WWC2: variants seen among roughly 807,000 people sequenced by gnomAD.
WWC2 encodes WW and C2 domain containing 2.
A neutral mutation model predicts 138.5 loss-of-function variants in WWC2; 101 were observed. That is an observed-to-expected ratio of 0.73 (90% CI 0.62 to 0.86). WWC2 has a LOEUF of 0.86. WWC2 is among the 40% of genes least tolerant of loss of function. The probability of loss-of-function intolerance (pLI) is 0.00; values close to 1 mark genes in which losing one functional copy is unlikely to be tolerated. For synonymous variants in WWC2, 558 were observed against 538.4 expected (o/e 1.04, Z -0.50); for missense variants, 1,420 against 1,419.4 (o/e 1.00, Z -0.01).
chr4:183,289,888 G>A (rs1040278537), intron 21 of WWC2, among the ~76,000 whole-genome samples: 8 of 151,522 alleles, frequency 5.3e-5, no homozygotes, highest in Non-Finnish European at 1.0e-4. Flanking sequence ...GGGTGAGGGC[G>A]TGGCCAGTGG....
At chr4:183,214,003 A>T (rs997219136) in intron 4 of WWC2, among the ~76,000 whole-genome samples, 1 of 152,080 alleles carries the variant, frequency 6.6e-6, no homozygotes, top group Admixed American at 6.5e-5. Context: ...GTTTTTGGCT[A>T]ATTTTTATTA....
At chr4:183,289,743 A>T in intron 21 of WWC2, 108 bp downstream of exon 21, 1 of 1,425,400 alleles carries the variant, frequency 7.0e-7, no homozygotes, top group Non-Finnish European at 9.4e-7. Context: ...AAGTCTTTAG[A>T]TGTTTTACTA....
rs1734215558 is a variant in WWC2, at chr4:183,169,416, G to A, written c.132-24183G>A. ...ATGAATTCTAAAAGAGCTGTAACAC[G>A]GACTCAAAGCTTTTAAAATAATTTT... On this transcript the variant is annotated intron_variant, in intron 1 of 22. Transcript: ENST00000403733. Among the ~76,000 whole-genome samples, 3 of 140,380 alleles carry A rather than the reference G, an allele frequency of 2.1e-5. No homozygotes were observed. The South Asian group carries it at 7.3e-4, about 34-fold the overall frequency. The allele number at this position is 140,380 out of a possible 152,430, so 92.1% of individuals were successfully genotyped here.
chr4:183,260,085 A>T (rs1737276351), intron 10 of WWC2, among the ~76,000 whole-genome samples: 1 of 152,236 alleles, frequency 6.6e-6, no homozygotes, highest in Admixed American at 6.5e-5. Flanking sequence ...CACTCCTCAC[A>T]TTCACACACA....
intron 1 of WWC2, among the ~76,000 whole-genome samples, chr4:183,103,399 T>C (rs914345928): frequency 4.6e-5 from 7 of 150,954 alleles, no homozygotes; most frequent in African/African-American, 1.2e-4. Context: ...AATGACGTGA[T>C]CTCGGCTTAC....
At chr4:183,138,283 A>T (rs895868224) in intron 1 of WWC2, among the ~76,000 whole-genome samples, 4 of 152,080 alleles carry the variant, frequency 2.6e-5, no homozygotes, top group Non-Finnish European at 5.9e-5. Flanking sequence ...GTATTACTTT[A>T]CCATTATAAG....
rs1266980397 is a variant in WWC2 at position 183,253,683 on chromosome 4, T to C, written c.954-74T>C. 3.2e-6 allele frequency: 5 copies of C among 1,540,050 alleles called. No homozygotes were observed. In the African/African-American group the frequency reaches 6.9e-5, roughly 21 times the overall value. Reference sequence around the variant, plus strand: ...ATCTGGACAGCATGTCAACACCAAATTTGGCTTAGGCTGTGTTTACCTTTC... The same window carrying C: ...ATCTGGACAGCATGTCAACACCAAACTTGGCTTAGGCTGTGTTTACCTTTC... On this transcript the variant is annotated intron_variant, in intron 8 of 22. Coordinates refer to ENST00000403733, the MANE Select transcript of WWC2 (RefSeq NM_024949.6).
chr4:183,250,925 A>C (rs1006405396), intron 8 of WWC2, among the ~76,000 whole-genome samples: 5 of 152,190 alleles, frequency 3.3e-5, no homozygotes, highest in Non-Finnish European at 7.3e-5. Flanking sequence ...TAGTCCTTAG[A>C]GGTTATCAGG....
intron 1 of WWC2, among the ~76,000 whole-genome samples, chr4:183,149,608 G>A (rs1349636113): frequency 1.4e-5 from 2 of 145,936 alleles, no homozygotes; most frequent in Non-Finnish European, 3.0e-5. Context: ...GGCAACAAGA[G>A]TGAAACTCTG....
intron 21 of WWC2, among the ~76,000 whole-genome samples, chr4:183,306,127 A>G (rs1739017450): frequency 6.6e-6 from 1 of 152,230 alleles, no homozygotes; most frequent in African/African-American, 2.4e-5. Context: ...GAGAAATATA[A>G]ATGACATGCT....
At chr4:183,204,530 A>G (rs1435817993) in intron 2 of WWC2, among the ~76,000 whole-genome samples, 1 of 152,168 alleles carries the variant, frequency 6.6e-6, no homozygotes, top group Non-Finnish European at 1.5e-5. Context: ...TTGCTGTTCC[A>G]TTATACCTCA....
Position 183,320,327 on chromosome 4 carries a change from T to C in WWC2, c.*4598T>C. 1 of 1,031,782 alleles carries C rather than the reference T, an allele frequency of 9.7e-7. No individual in the cohort carries two copies. The highest frequency in any genetic ancestry group is 1.4e-6 in the Non-Finnish European group (1 of 701,382). The allele number at this position is 1,031,782 out of a possible 1,614,324, so 63.9% of individuals were successfully genotyped here. A position where few individuals can be genotyped will look rare whatever the true frequency, so the allele number is the denominator to read the frequency against. On this transcript the variant is annotated 3_prime_UTR_variant, in exon 23 of 23. Coordinates refer to ENST00000403733, the MANE Select transcript of WWC2 (RefSeq NM_024949.6). ...ATGAAACTCAGAAATATTTCTTCAT[T>C]GTGTATATAGGAGGATTCTTGCCAG...
intron 1 of WWC2, among the ~76,000 whole-genome samples, chr4:183,147,815 C>T (rs927884074): frequency 6.6e-6 from 1 of 152,118 alleles, no homozygotes; most frequent in Non-Finnish European, 1.5e-5. Flanking sequence ...AAAAGCATAT[C>T]AAGGCAGATA....
chr4:183,236,773 T>C (rs2111301643), intron 4 of WWC2, among the ~76,000 whole-genome samples: 1 of 152,318 alleles, frequency 6.6e-6, no homozygotes, highest in Admixed American at 6.5e-5. Flanking sequence ...GTATAAATCT[T>C]AGGATTGTTT....
intron 21 of WWC2, among the ~76,000 whole-genome samples, chr4:183,307,242 C>T (rs1375606457): frequency 6.6e-6 from 1 of 152,010 alleles, no homozygotes; most frequent in Admixed American, 6.6e-5. Flanking sequence ...ACAGATGGGT[C>T]AAAGGAGAAA....
At chr4:183,179,747 G>C (rs1489282940) in intron 1 of WWC2, among the ~76,000 whole-genome samples, 1 of 152,108 alleles carries the variant, frequency 6.6e-6, no homozygotes, top group African/African-American at 2.4e-5. Context: ...TAGATACCCT[G>C]CTATGGAATG....
intron 1 of WWC2, among the ~76,000 whole-genome samples, chr4:183,126,704 G>A (rs921454657): frequency 2.6e-5 from 4 of 151,882 alleles, no homozygotes; most frequent in Non-Finnish European, 5.9e-5. Context: ...GTCTTCTATG[G>A]CCTATGTATG....
chr4:183,194,235 T>C (rs544350390), intron 2 of WWC2, among the ~76,000 whole-genome samples: 28 of 152,340 alleles, frequency 1.8e-4, no homozygotes, highest in African/African-American at 6.3e-4. Flanking sequence ...AAACCTCTCA[T>C]TTTAACAGCT....
chr4:183,099,904 C>T (rs1477136386), intron 1 of WWC2, among the ~76,000 whole-genome samples: 1 of 152,226 alleles, frequency 6.6e-6, no homozygotes, highest in Non-Finnish European at 1.5e-5. Context: ...CCCGAGGGGC[C>T]ACCTGAGCCC....
Sources: allele counts gnomAD v4.1 joint callset (sites outside exome capture counted in the v4.1 genomes callset), GRCh38; gene constraint gnomAD v4.1.1; transcripts MANE v1.5; gene names NCBI Gene and HGNC (gene_info 2026-07-23, HGNC 2026-07-21).